The following BIVM variants were observed in gnomAD, a reference collection of about 807,000 sequenced individuals.
BIVM encodes the protein basic, immunoglobulin-like variable motif containing, also known as basic immunoglobulin-like variable motif-containing protein.
Under a neutral mutation model 61.4 loss-of-function variants are expected in BIVM, and 31 were observed. That is an observed-to-expected ratio of 0.51 (90% CI 0.38 to 0.68). BIVM has a LOEUF of 0.68. Ranked by LOEUF, BIVM falls within the 30% of genes least tolerant of loss-of-function variation. The pLI is 0.00. For missense variants in BIVM, 526 were observed against 596.0 expected, an observed-to-expected ratio of 0.88 and a Z score of 1.22; for synonymous variants, 189 against 210.7, an observed-to-expected ratio of 0.90 and a Z score of 0.89.
rs1881641813 is a variant in BIVM at position 102,838,680 on chromosome 13, C to A, written c.1159C>A (p.Pro387Thr). 6.2e-7 allele frequency: 1 copy of A among 1,613,102 alleles called. No individual in the cohort carries two copies. Among genetic ancestry groups the A allele is most frequent in the African/African-American group, 1.3e-5 (1 of 74,880 alleles). Residue 387 changes from proline to threonine, a missense_variant, in exon 10 of 11, where the codon CCA (proline) becomes ACA (threonine). Pro to Thr is a conservative substitution (Grantham distance 38). Coordinates refer to ENST00000257336, the MANE Select transcript of BIVM (RefSeq NM_017693.4). The part of the protein sequence containing the change: ...DIVTDLNTQN[P>T]EYLDIRHLER... ...TGTTACTGATCTAAACACTCAAAAT[C>A]CAGAATACCTGGATATCCGGCACTT...
At chr13:102,800,118 G>A (rs1470978233) in intron 1 of BIVM, among the ~76,000 whole-genome samples, 2 of 152,214 alleles carry the variant, frequency 1.3e-5, no homozygotes, top group African/African-American at 4.8e-5. Flanking sequence ...GGCCTGGTTC[G>A]GCGCCAGGAA....
At chr13:102,818,609 A>G (rs887324863) in intron 4 of BIVM, among the ~76,000 whole-genome samples, 1 of 152,250 alleles carries the variant, frequency 6.6e-6, no homozygotes, top group Non-Finnish European at 1.5e-5. Context: ...ATGTGAGGCC[A>G]TGAAGGCTAG....
chr13:102,836,694 T>C (rs1222998860), intron 9 of BIVM, among the ~76,000 whole-genome samples: 1 of 152,214 alleles, frequency 6.6e-6, no homozygotes. Context: ...ATTCTAGCAC[T>C]ATTTGTTTAC....
chr13:102,826,431 G>A (rs1258511086), intron 7 of BIVM, among the ~76,000 whole-genome samples: 1 of 152,180 alleles, frequency 6.6e-6, no homozygotes, highest in Non-Finnish European at 1.5e-5. Context: ...CATCTTAGCA[G>A]TGCCTTGAAC....
intron 9 of BIVM, among the ~76,000 whole-genome samples, chr13:102,835,524 C>CTTGT (rs777888813): frequency 4.6e-5 from 7 of 152,154 alleles, no homozygotes; most frequent in South Asian, 2.1e-4. Flanking sequence ...TTTGCCTATT[C>CTTGT]TTGTTTGTTT....
chr13:102,839,450 A>G (rs1180039475), intron 10 of BIVM, 122 bp from the exon 11 acceptor site: 2 of 1,319,948 alleles, frequency 1.5e-6, no homozygotes, highest in Admixed American at 2.5e-5. Context: ...TGATGCCTGG[A>G]AGGAAAGTAC....
chr13:102,836,927 A>G (rs1209362658), intron 9 of BIVM, among the ~76,000 whole-genome samples: 3 of 152,172 alleles, frequency 2.0e-5, no homozygotes, highest in Non-Finnish European at 2.9e-5. Flanking sequence ...GCTTTTCCAT[A>G]AAAATTTTAG....
intron 3 of BIVM, among the ~76,000 whole-genome samples, chr13:102,812,366 T>C (rs1411569954): frequency 6.6e-6 from 1 of 152,244 alleles, no homozygotes; most frequent in African/African-American, 2.4e-5. Context: ...GGATGGTTTC[T>C]GTTGGTTTAT....
At chr13:102,819,999 C>A (rs1225946714) in intron 4 of BIVM, among the ~76,000 whole-genome samples, 1 of 152,130 alleles carries the variant, frequency 6.6e-6, no homozygotes, top group Non-Finnish European at 1.5e-5. Context: ...TGAAGGCCAA[C>A]GAGTGTTGTG....
At chr13:102,830,707 AACAAGGAAAGATTAGGCTC>A (rs1213805697) in intron 7 of BIVM, among the ~76,000 whole-genome samples, 103 of 152,232 alleles carry the variant, frequency 6.8e-4, no homozygotes, top group Non-Finnish European at 1.5e-5. Flanking sequence ...CTTATCACAC[AACAAGGAAAGATTAGGCTC>A]ACAGATACTT....
intron 5 of BIVM, 22 bp downstream of exon 5, chr13:102,821,154 T>A (rs779009105): frequency 6.3e-7 from 1 of 1,590,990 alleles, no homozygotes; most frequent in South Asian, 1.1e-5. Flanking sequence ...AATTTATCAG[T>A]ACCCCCAAAC....
At chr13:102,811,133 G>GGCTTTTAT (rs1194746642) in intron 3 of BIVM, among the ~76,000 whole-genome samples, 2 of 152,096 alleles carry the variant, frequency 1.3e-5, no homozygotes. Context: ...AAATAACACT[G>GGCTTTTAT]GCTTTTATAA....
At chr13:102,806,034 G>A (rs756980041) in intron 2 of BIVM, among the ~76,000 whole-genome samples, 1 of 152,160 alleles carries the variant, frequency 6.6e-6, no homozygotes, top group Non-Finnish European at 1.5e-5. Flanking sequence ...GGACCATATG[G>A]TAACTCTGTT....
At chr13:102,801,154 A>T (rs960999148) in intron 1 of BIVM, among the ~76,000 whole-genome samples, 1 of 152,322 alleles carries the variant, frequency 6.6e-6, no homozygotes, top group Admixed American at 6.5e-5. Flanking sequence ...TGCTTTGCAT[A>T]CGAGCAAACC....
chr13:102,836,201 CTTTTATA>C (rs1288391754), intron 9 of BIVM, among the ~76,000 whole-genome samples: 1 of 151,810 alleles, frequency 6.6e-6, no homozygotes, highest in Non-Finnish European at 1.5e-5. Flanking sequence ...CAATTTTCTT[CTTTTATA>C]TGTTTTGTGC....
chr13:102,826,633 G>C (rs1880692098), intron 7 of BIVM, among the ~76,000 whole-genome samples: 1 of 152,162 alleles, frequency 6.6e-6, no homozygotes, highest in African/African-American at 2.4e-5. Flanking sequence ...TTACAATACA[G>C]TTCTCAGTCT....
At chr13:102,799,883 C>T (rs1306356428) in intron 1 of BIVM, among the ~76,000 whole-genome samples, 1 of 152,194 alleles carries the variant, frequency 6.6e-6, no homozygotes, top group Non-Finnish European at 1.5e-5. Flanking sequence ...GACCCCTGTG[C>T]GGCCGTCGGT....
In BIVM at chr13:102,834,503, A is replaced by T; in HGVS notation, c.1072A>T (p.Ile358Phe). The T allele has an allele frequency of 6.3e-7, 1 of 1,595,586 alleles. No individual in the cohort carries two copies. Among genetic ancestry groups the T allele is most frequent in the Non-Finnish European group, 8.5e-7 (1 of 1,174,570 alleles). Residue 358 changes from isoleucine to phenylalanine, a missense_variant, in exon 9 of 11, where the codon ATC becomes TTC. Transcript: ENST00000257336. The part of the protein sequence containing the change: ...PLSPQEVEYW[I>F]LIGESSRKHP... ...CTCACCACAGGAAGTTGAATATTGG[A>T]TCTTAATTGGAGAATCAAGTAGAAA...
intron 9 of BIVM, among the ~76,000 whole-genome samples, chr13:102,836,384 C>A (rs550050945): frequency 6.6e-6 from 1 of 152,306 alleles, no homozygotes; most frequent in East Asian, 1.9e-4. Context: ...GTGATCATGG[C>A]TCACTAAAGC....
Sources: allele counts gnomAD v4.1 joint callset (sites outside exome capture counted in the v4.1 genomes callset), GRCh38; gene constraint gnomAD v4.1.1; transcripts MANE v1.5; gene names NCBI Gene and HGNC (gene_info 2026-07-23, HGNC 2026-07-21).